Variants in UNC13C observed in about 807,000 individuals in gnomAD.
UNC13C encodes the protein protein unc-13 homolog C.
In UNC13C, 174 loss-of-function variants were observed where a neutral mutation model predicts 245.4. The ratio of observed to expected loss-of-function variants is 0.71; its 90% CI spans 0.63 to 0.80. The LOEUF is 0.80. Among genes scored for constraint, UNC13C ranks in the 30% least tolerant of loss-of-function variants. The pLI is 0.00. For synonymous variants in UNC13C, 992 were observed against 895.1 expected (o/e 1.11, Z -1.93); for missense variants, 2,829 against 2,602.9 (o/e 1.09, Z -1.89).
intron 2 of UNC13C, among the ~76,000 whole-genome samples, chr15:54,094,110 C>G (rs1378724327): frequency 6.6e-6 from 1 of 152,118 alleles, no homozygotes; most frequent in East Asian, 1.9e-4. Context: ...AAAGGCAGAC[C>G]TGTTTCTTGG....
chr15:54,405,238 T>C (rs941624569), intron 18 of UNC13C, among the ~76,000 whole-genome samples: 4 of 152,304 alleles, frequency 2.6e-5, no homozygotes, highest in African/African-American at 9.6e-5. Context: ...AAGAGATTAC[T>C]CACTGCTCCA....
intron 2 of UNC13C, among the ~76,000 whole-genome samples, chr15:54,085,858 C>T (rs925790409): frequency 3.3e-5 from 5 of 151,734 alleles, no homozygotes; most frequent in East Asian, 3.9e-4. Context: ...TTTCTGTCTG[C>T]GTATTTAAAA....
intron 30 of UNC13C, among the ~76,000 whole-genome samples, chr15:54,598,474 C>A (rs1257686927): frequency 1.3e-5 from 2 of 152,152 alleles, no homozygotes; most frequent in South Asian, 2.1e-4. Context: ...TGTCCATATA[C>A]AGAGATAGTT....
intron 1 of UNC13C, among the ~76,000 whole-genome samples, chr15:53,983,890 C>T (rs1365284677): frequency 1.3e-5 from 2 of 151,930 alleles, no homozygotes; most frequent in Non-Finnish European, 2.9e-5. Flanking sequence ...ACTGCCTTAT[C>T]CTTTCTCATG....
intron 7 of UNC13C, among the ~76,000 whole-genome samples, chr15:54,244,860 C>A (rs901260572): frequency 6.6e-6 from 1 of 152,030 alleles, no homozygotes; most frequent in South Asian, 2.1e-4. Context: ...TAAAAGCTTA[C>A]TCTTTTGGAC....
At chr15:53,867,914 T>A in the UNC13C span, among the ~76,000 whole-genome samples, 1 of 152,188 alleles carries the variant, frequency 6.6e-6, no homozygotes. Flanking sequence ...CACTGCAGCC[T>A]GGATCTCCCA....
intron 30 of UNC13C, among the ~76,000 whole-genome samples, chr15:54,618,614 C>T (rs376596432): frequency 1.3e-5 from 2 of 152,134 alleles, no homozygotes; most frequent in African/African-American, 2.4e-5. Flanking sequence ...CTGGGATAGA[C>T]AATTGACAAA....
intron 26 of UNC13C, among the ~76,000 whole-genome samples, chr15:54,544,435 A>G (rs1367413082): frequency 6.6e-6 from 1 of 152,206 alleles, no homozygotes; most frequent in Non-Finnish European, 1.5e-5. Flanking sequence ...TAGTATTGGA[A>G]GTTCTGGCCA....
chr15:54,448,220 C>T (rs147978458), intron 19 of UNC13C, among the ~76,000 whole-genome samples: 22,532 of 152,000 alleles, frequency 0.15, 1,694 homozygotes, highest in Non-Finnish European at 0.17. Flanking sequence ...GGAATAAGTG[C>T]GGTGTGGTGC....
chr15:54,443,810 G>A (rs745878641), intron 19 of UNC13C, among the ~76,000 whole-genome samples: 8 of 151,450 alleles, frequency 5.3e-5, no homozygotes, highest in East Asian at 3.9e-4. Context: ...TGAGACTTGC[G>A]TTGCAGCTTA....
intron 7 of UNC13C, among the ~76,000 whole-genome samples, chr15:54,241,782 C>T (rs1311423652): frequency 2.6e-5 from 4 of 152,128 alleles, no homozygotes; most frequent in African/African-American, 9.7e-5. Flanking sequence ...AACTTGTGAT[C>T]GGGGCTGCAG....
At chr15:54,259,932 T>G (rs978801605) in intron 8 of UNC13C, among the ~76,000 whole-genome samples, 8 of 149,146 alleles carry the variant, frequency 5.4e-5, no homozygotes, top group Admixed American at 1.3e-4. Flanking sequence ...ATTCCTGTGG[T>G]TTTTTTTTTC....
chr15:54,181,895 A>G (rs749653728), intron 4 of UNC13C, among the ~76,000 whole-genome samples: 1 of 151,950 alleles, frequency 6.6e-6, no homozygotes, highest in Non-Finnish European at 1.5e-5. Flanking sequence ...GTATCCTGAA[A>G]CTGTACTAAA....
intron 8 of UNC13C, among the ~76,000 whole-genome samples, chr15:54,253,541 T>C (rs2036205804): frequency 6.6e-6 from 1 of 152,226 alleles, no homozygotes; most frequent in African/African-American, 2.4e-5. Context: ...GTTCACCTGC[T>C]TTTTCTTTAA....
chr15:54,310,040 T>C (rs2037828413), intron 13 of UNC13C, among the ~76,000 whole-genome samples: 1 of 151,824 alleles, frequency 6.6e-6, no homozygotes, highest in Non-Finnish European at 1.5e-5. Context: ...TTTAATCATG[T>C]CTTTAGGGGA....
At chr15:53,978,154 G>A (rs897451218), upstream of UNC13C, among the ~76,000 whole-genome samples, 4 of 152,226 alleles carry the variant, frequency 2.6e-5, no homozygotes, top group African/African-American at 7.2e-5. Flanking sequence ...CTATTCCACT[G>A]GCAGAATTGG....
chr15:54,473,617 C>G (rs1892576505), intron 19 of UNC13C, among the ~76,000 whole-genome samples: 1 of 151,880 alleles, frequency 6.6e-6, no homozygotes, highest in South Asian at 2.1e-4. Context: ...TATTTGACAT[C>G]ATATAATGAC....
At chr15:54,552,887 A>T (rs1896887451) in intron 28 of UNC13C, among the ~76,000 whole-genome samples, 1 of 892 alleles carries the variant, frequency 1.1e-3, no homozygotes, top group Non-Finnish European at 2.0e-3. Flanking sequence ...TGTATTCTAT[A>T]TTACTATATA....
chr15:54,296,342 A>T (rs1408094238), intron 11 of UNC13C, among the ~76,000 whole-genome samples: 1 of 150,250 alleles, frequency 6.7e-6, no homozygotes, highest in Non-Finnish European at 1.5e-5. Flanking sequence ...CTGGGACTAC[A>T]GGCGCCTGCA....
Sources: gnomAD v4.1 joint callset for allele counts (sites outside exome capture counted in the v4.1 genomes callset) on GRCh38, gnomAD v4.1.1 for gene constraint, MANE v1.5 for transcripts, NCBI Gene and HGNC (gene_info 2026-07-23, HGNC 2026-07-21) for gene names.